NRG1: variants seen among roughly 807,000 people sequenced by gnomAD.
NRG1 encodes neuregulin 1, also known as pro-neuregulin-1, membrane-bound isoform.
In NRG1, 18 loss-of-function variants were observed where a neutral mutation model predicts 63.8. The ratio of observed to expected loss-of-function variants is 0.28; its 90% CI spans 0.19 to 0.42. The LOEUF is 0.42. Among genes scored for constraint, NRG1 ranks in the 10% least tolerant of loss-of-function variants. NRG1 has a pLI of 1.00. For synonymous variants in NRG1, 302 were observed against 301.3 expected (o/e 1.00, Z -0.02); for missense variants, 762 against 814.7 (o/e 0.94, Z 0.79).
At chr8:31,729,237 GTTTT>G (rs55859430) in intron 1 of NRG1, among the ~76,000 whole-genome samples, 22,178 of 149,712 alleles carry the variant, frequency 0.15, 2,034 homozygotes, top group Non-Finnish European at 0.19. Flanking sequence ...AATAAACAAA[GTTTT>G]TTTTTTTTTT....
At chr8:31,911,338 T>C (rs958507318) in intron 1 of NRG1, among the ~76,000 whole-genome samples, 2 of 152,168 alleles carry the variant, frequency 1.3e-5, no homozygotes, top group Admixed American at 6.6e-5. Context: ...TCAATCTAAA[T>C]GCTCACCAAC....
At chr8:31,937,497 A>T (rs1801080243) in intron 1 of NRG1, among the ~76,000 whole-genome samples, 1 of 152,254 alleles carries the variant, frequency 6.6e-6, no homozygotes, top group Non-Finnish European at 1.5e-5. Flanking sequence ...TTGAATTTAA[A>T]AAATGGGAGA....
chr8:31,652,684 C>A (rs1029852795), intron 1 of NRG1, among the ~76,000 whole-genome samples: 1 of 152,096 alleles, frequency 6.6e-6, no homozygotes, highest in African/African-American at 2.4e-5. Context: ...ACTGTCCTTC[C>A]GTGGAATGGT....
At chr8:32,286,514 G>A (rs1853539139) in intron 1 of NRG1, among the ~76,000 whole-genome samples, 1 of 152,248 alleles carries the variant, frequency 6.6e-6, no homozygotes, top group Non-Finnish European at 1.5e-5. Flanking sequence ...GGGCTTAATA[G>A]GAGGTGTGTG....
intron 1 of NRG1, among the ~76,000 whole-genome samples, chr8:32,065,111 AT>A (rs1824533575): frequency 6.6e-6 from 1 of 151,588 alleles, no homozygotes; most frequent in Non-Finnish European, 1.5e-5. Context: ...GCTGCTCCTG[AT>A]CCTTTAGTGA....
intron 5 of NRG1, among the ~76,000 whole-genome samples, chr8:32,725,627 C>T (rs1821959831): frequency 6.6e-6 from 1 of 151,580 alleles, no homozygotes; most frequent in Admixed American, 6.6e-5. Flanking sequence ...AGGGGCACGC[C>T]ACCATGCTTA....
At chr8:32,657,380 C>T (rs187010703) in intron 5 of NRG1, among the ~76,000 whole-genome samples, 125 of 152,080 alleles carry the variant, frequency 8.2e-4, no homozygotes, top group African/African-American at 2.8e-3. Flanking sequence ...TCTTCTCCAG[C>T]GATCTCAGGG....
At chr8:32,633,166 A>C (rs1009984656) in intron 5 of NRG1, among the ~76,000 whole-genome samples, 1 of 152,226 alleles carries the variant, frequency 6.6e-6, no homozygotes, top group African/African-American at 2.4e-5. Flanking sequence ...ACCAGTAAAT[A>C]AGAAGGCTTC....
intron 5 of NRG1, among the ~76,000 whole-genome samples, chr8:32,692,943 T>C (rs1812192180): frequency 6.6e-6 from 1 of 152,142 alleles, no homozygotes; most frequent in African/African-American, 2.4e-5. Flanking sequence ...AAAGGACACA[T>C]TACTACACTT....
At chr8:31,811,119 T>C (rs1822843365) in intron 1 of NRG1, among the ~76,000 whole-genome samples, 4 of 152,200 alleles carry the variant, frequency 2.6e-5, no homozygotes, top group Admixed American at 2.6e-4. Flanking sequence ...CTGCTAGTCA[T>C]AGAATAAACA....
intron 1 of NRG1, among the ~76,000 whole-genome samples, chr8:32,081,127 A>G (rs1279847772): frequency 5.3e-5 from 8 of 152,106 alleles, no homozygotes. Context: ...ATTCAGAATA[A>G]CGTTTGACAA....
At chr8:32,265,328 C>G (rs1042970134) in intron 1 of NRG1, among the ~76,000 whole-genome samples, 2 of 151,556 alleles carry the variant, frequency 1.3e-5, no homozygotes, top group African/African-American at 4.9e-5. Context: ...GAGAGAGACC[C>G]TATCTAAAAA....
At chr8:32,174,025 A>T (rs1840395285) in intron 1 of NRG1, among the ~76,000 whole-genome samples, 2 of 152,206 alleles carry the variant, frequency 1.3e-5, no homozygotes, top group African/African-American at 4.8e-5. Context: ...ACCCCAAATC[A>T]ACAGAATATA....
chr8:32,217,894 T>G (rs188981337), intron 1 of NRG1, among the ~76,000 whole-genome samples: 1,575 of 152,246 alleles, frequency 0.01, 15 homozygotes, highest in Non-Finnish European at 0.015. Flanking sequence ...AAACAGATGA[T>G]CCCTGCCCTT....
intron 1 of NRG1, among the ~76,000 whole-genome samples, chr8:32,565,270 C>T (rs1286805094): frequency 6.6e-6 from 1 of 152,054 alleles, no homozygotes; most frequent in African/African-American, 2.4e-5. Context: ...GTATCCCATT[C>T]TCTTCCCTCT....
intron 1 of NRG1, among the ~76,000 whole-genome samples, chr8:32,092,600 TG>T (rs994336049): frequency 5.9e-5 from 9 of 152,062 alleles, no homozygotes; most frequent in African/African-American, 1.9e-4. Flanking sequence ...GCTCAGAAGA[TG>T]GTGGACTCTA....
intron 1 of NRG1, among the ~76,000 whole-genome samples, chr8:31,821,443 G>T (rs967959455): frequency 2.0e-5 from 3 of 152,144 alleles, no homozygotes; most frequent in Non-Finnish European, 4.4e-5. Context: ...ATGGCTATTA[G>T]CAATCCCAGA....
At position 31,921,778 on chromosome 8, in the gene NRG1, G is replaced by A. The variant is rs567691354; in HGVS notation, c.37+282347G>A. ...CTAAAATATGATTGGTGAACACTCA[G>A]GATTTTATTTTGTGGTATTGGTTGC... On this transcript the variant is annotated intron_variant, in intron 1 of 10. Transcript: ENST00000519301. Among the ~76,000 whole-genome samples the A allele has an allele frequency of 3.3e-5, 5 of 152,236 alleles. No individual in the cohort carries two copies. The East Asian group carries it at 9.7e-4, about 29-fold the overall frequency.
At chr8:31,934,519 G>T (rs1052689472) in intron 1 of NRG1, among the ~76,000 whole-genome samples, 1 of 144,246 alleles carries the variant, frequency 6.9e-6, no homozygotes, top group African/African-American at 2.6e-5. Flanking sequence ...TCTACCTCCC[G>T]GGTTCAAGCG....
Sources: gnomAD v4.1 joint callset for allele counts (sites outside exome capture counted in the v4.1 genomes callset) on GRCh38, gnomAD v4.1.1 for gene constraint, MANE v1.5 for transcripts, NCBI Gene and HGNC (gene_info 2026-07-23, HGNC 2026-07-21) for gene names.